The following NALF1 variants were observed in gnomAD, a reference collection of about 807,000 sequenced individuals.
The protein encoded by NALF1 is NALCN channel auxiliary factor 1.
In NALF1, 3 loss-of-function variants were observed where a neutral mutation model predicts 48.4. That is an observed-to-expected ratio of 0.06 (90% CI 0.03 to 0.16). The LOEUF (loss-of-function observed/expected upper bound fraction) is 0.16, where lower values mean the gene tolerates loss of function less well. Among genes scored for constraint, NALF1 ranks in the 10% least tolerant of loss-of-function variants. The probability of loss-of-function intolerance (pLI) is 1.00; values close to 1 mark genes in which losing one functional copy is unlikely to be tolerated. For synonymous variants in NALF1, 262 were observed against 245.7 expected, an observed-to-expected ratio of 1.07 and a Z score of -0.62; for missense variants, 526 against 571.5, an observed-to-expected ratio of 0.92 and a Z score of 0.81.
Position 107,810,165 on chromosome 13 carries a change from T to C in NALF1, c.915+55517A>G, listed in dbSNP as rs568737500. Reference sequence around the variant, plus strand: ...TTTCTTTTTCATTTCTCCATCTCTGTAGAAATTATTTTCTCCAAGACCAAC... The same window carrying C: ...TTTCTTTTTCATTTCTCCATCTCTGCAGAAATTATTTTCTCCAAGACCAAC... On this transcript the variant is annotated intron_variant, in intron 1 of 2. Transcript: ENST00000375915. 1.3e-5 allele frequency among the ~76,000 whole-genome samples: 2 copies of C among 152,240 alleles called. 1 individual carries two copies. The highest frequency in any genetic ancestry group is 4.8e-5 in the African/African-American group (2 of 41,562).
At chr13:107,692,420 T>C (rs1321455222) in intron 1 of NALF1, among the ~76,000 whole-genome samples, 1 of 152,202 alleles carries the variant, frequency 6.6e-6, no homozygotes, top group Non-Finnish European at 1.5e-5. Flanking sequence ...AGATACACAA[T>C]GTAGCCAAAC....
intron 1 of NALF1, among the ~76,000 whole-genome samples, chr13:107,268,739 G>A (rs1382865405): frequency 1.3e-5 from 2 of 152,210 alleles, no homozygotes; most frequent in African/African-American, 2.4e-5. Flanking sequence ...GGAGGGTTAA[G>A]AGAAGTCAGG....
intron 1 of NALF1, among the ~76,000 whole-genome samples, chr13:107,758,184 G>T (rs2138558809): frequency 6.6e-6 from 1 of 152,196 alleles, no homozygotes; most frequent in Admixed American, 6.5e-5. Flanking sequence ...AACTGTGATT[G>T]CATTTTGACT....
chr13:107,847,501 G>A (rs1439584878), intron 1 of NALF1, among the ~76,000 whole-genome samples: 3 of 152,122 alleles, frequency 2.0e-5, no homozygotes, highest in Non-Finnish European at 2.9e-5. Flanking sequence ...TGTCAGTCTC[G>A]TGATGACATT....
At chr13:107,645,551 A>C (rs1367295766) in intron 1 of NALF1, among the ~76,000 whole-genome samples, 1 of 152,016 alleles carries the variant, frequency 6.6e-6, no homozygotes, top group Non-Finnish European at 1.5e-5. Flanking sequence ...CTATCCACTT[A>C]ATACAATTTT....
At position 107,554,844 on chromosome 13, in the gene NALF1, G is replaced by A. The variant is rs146608986; in HGVS notation, c.915+310838C>T. Reference sequence around the variant, plus strand: ...CCATGGAGGGAAGGTTTTGGTCTCTGCAGAATTCACAAGCAGGCTGGCTTG... The same window carrying A: ...CCATGGAGGGAAGGTTTTGGTCTCTACAGAATTCACAAGCAGGCTGGCTTG... On this transcript the variant is annotated intron_variant, in intron 1 of 2. Transcript: ENST00000375915. 3.2e-3 allele frequency among the ~76,000 whole-genome samples: 483 copies of A among 152,224 alleles called. 4 individuals are homozygous for A. The highest frequency in any genetic ancestry group is 0.014 in the Middle Eastern group (4 of 294).
intron 1 of NALF1, among the ~76,000 whole-genome samples, chr13:107,550,581 T>G (rs920804897): frequency 6.6e-6 from 1 of 152,168 alleles, no homozygotes; most frequent in Admixed American, 6.6e-5. Flanking sequence ...TTATTCAAAA[T>G]TCACTACCTC....
At chr13:107,427,072 TAGA>T (rs1207261509) in intron 1 of NALF1, among the ~76,000 whole-genome samples, 1 of 151,762 alleles carries the variant, frequency 6.6e-6, no homozygotes, top group Non-Finnish European at 1.5e-5. Context: ...ACTTTGCATG[TAGA>T]AGAAATTAAT....
At chr13:107,606,610 C>T (rs1314679431) in intron 1 of NALF1, among the ~76,000 whole-genome samples, 1 of 152,090 alleles carries the variant, frequency 6.6e-6, no homozygotes, top group Non-Finnish European at 1.5e-5. Context: ...AGGTAATCCA[C>T]CTGCCTCGGC....
intron 1 of NALF1, among the ~76,000 whole-genome samples, chr13:107,380,345 A>G (rs867863938): frequency 6.6e-6 from 1 of 152,226 alleles, no homozygotes; most frequent in South Asian, 2.1e-4. Context: ...CAAGAACAAG[A>G]AATCATAAGG....
At chr13:107,325,855 C>CACATATAT (rs1331741745) in intron 1 of NALF1, among the ~76,000 whole-genome samples, 12 of 54,030 alleles carry the variant, frequency 2.2e-4, no homozygotes, top group Non-Finnish European at 2.9e-4. Flanking sequence ...CACACACACA[C>CACATATAT]ATATATATAT....
At chr13:107,689,518 T>C (rs920276566) in intron 1 of NALF1, among the ~76,000 whole-genome samples, 2 of 152,162 alleles carry the variant, frequency 1.3e-5, no homozygotes, top group African/African-American at 4.8e-5. Context: ...TATATGGACC[T>C]TGGCCAAATG....
intron 1 of NALF1, among the ~76,000 whole-genome samples, chr13:107,726,900 G>A (rs1010768368): frequency 1.5e-4 from 21 of 141,868 alleles, no homozygotes; most frequent in South Asian, 4.6e-4. Flanking sequence ...CACCACGCCC[G>A]GCCGGCAAAT....
intron 1 of NALF1, among the ~76,000 whole-genome samples, chr13:107,854,956 A>G (rs1378628158): frequency 6.6e-6 from 1 of 152,154 alleles, no homozygotes; most frequent in Admixed American, 6.5e-5. Context: ...GAAAAGGCCA[A>G]CTTTTGGTAA....
intron 1 of NALF1, among the ~76,000 whole-genome samples, chr13:107,394,537 A>G (rs1044573572): frequency 6.6e-6 from 1 of 152,192 alleles, no homozygotes; most frequent in African/African-American, 2.4e-5. Context: ...GACATATCTC[A>G]TTACCAGGGT....
intron 1 of NALF1, among the ~76,000 whole-genome samples, chr13:107,801,331 T>C (rs934332006): frequency 3.0e-4 from 45 of 152,292 alleles, no homozygotes; most frequent in African/African-American, 1.1e-3. Flanking sequence ...CGCCCAGATA[T>C]TTTAGGACAG....
chr13:107,412,572 T>C (rs981929885), intron 1 of NALF1, among the ~76,000 whole-genome samples: 2 of 152,206 alleles, frequency 1.3e-5, no homozygotes, highest in African/African-American at 4.8e-5. Flanking sequence ...TAGTAGTAAA[T>C]TGCTTGCTAT....
chr13:107,604,061 T>C (rs529874283), intron 1 of NALF1, among the ~76,000 whole-genome samples: 2 of 152,188 alleles, frequency 1.3e-5, no homozygotes, highest in Non-Finnish European at 2.9e-5. Flanking sequence ...ACAGAAATGA[T>C]TCATGTAGCT....
chr13:107,399,954 T>A (rs1156727149), intron 1 of NALF1, among the ~76,000 whole-genome samples: 2 of 152,188 alleles, frequency 1.3e-5, no homozygotes, highest in African/African-American at 4.8e-5. Flanking sequence ...ATGCTCTTTT[T>A]AAAAGACCAT....
Sources: gnomAD v4.1 joint callset for allele counts (sites outside exome capture counted in the v4.1 genomes callset) on GRCh38, gnomAD v4.1.1 for gene constraint, MANE v1.5 for transcripts, NCBI Gene and HGNC (gene_info 2026-07-23, HGNC 2026-07-21) for gene names.